Variants in ANKRD36 observed in about 807,000 individuals in gnomAD.
ANKRD36 encodes ankyrin repeat domain 36, also known as ankyrin repeat domain-containing protein 36A.
In ANKRD36, 179 loss-of-function variants were observed where a neutral mutation model predicts 278.1. That is an observed-to-expected ratio of 0.64 (90% CI 0.57 to 0.73). ANKRD36 has a LOEUF of 0.73. ANKRD36 is among the 30% of genes least tolerant of loss of function. ANKRD36 has a pLI of 0.00. For synonymous variants in ANKRD36, 320 were observed against 641.1 expected (o/e 0.50, Z 7.57); for missense variants, 1,159 against 1,956.7 (o/e 0.59, Z 7.69).
At chr2:97,187,555 T>A (rs1164157388) in intron 32 of ANKRD36, among the ~76,000 whole-genome samples, 154 bp downstream of exon 32, 1 of 151,734 alleles carries the variant, frequency 6.6e-6, no homozygotes, top group South Asian at 2.1e-4. Flanking sequence ...TAATAAATTC[T>A]TGGGTGACGC....
At chr2:97,199,303 C>A (rs1010550874) in intron 44 of ANKRD36, among the ~76,000 whole-genome samples, 1 of 151,878 alleles carries the variant, frequency 6.6e-6, no homozygotes, top group Non-Finnish European at 1.5e-5. Context: ...CACACTGACC[C>A]CTTACTCTTC....
chr2:97,220,958 T>G (rs2067469506), intron 66 of ANKRD36, among the ~76,000 whole-genome samples: 1 of 96,214 alleles, frequency 1.0e-5, no homozygotes, highest in Admixed American at 1.4e-4. Flanking sequence ...CCCCAGAGTG[T>G]GATATTCCCC....
chr2:97,169,160 T>G (rs2051605112), intron 22 of ANKRD36, among the ~76,000 whole-genome samples: 1 of 152,262 alleles, frequency 6.6e-6, no homozygotes, highest in Non-Finnish European at 1.5e-5. Context: ...CTAACTGGCA[T>G]AAGATGGTAT....
intron 44 of ANKRD36, among the ~76,000 whole-genome samples, chr2:97,199,282 T>C (rs547108365): frequency 6.6e-6 from 1 of 152,030 alleles, no homozygotes; most frequent in East Asian, 1.9e-4. Context: ...AATGGTATAA[T>C]TGGAATACAC....
intron 11 of ANKRD36, among the ~76,000 whole-genome samples, chr2:97,147,777 A>T (rs972280731): frequency 6.6e-6 from 1 of 151,902 alleles, no homozygotes; most frequent in African/African-American, 2.4e-5. Context: ...AAGAGAAACA[A>T]ACTCTTAGTT....
At chr2:97,150,338 G>C (rs1477934288) in intron 12 of ANKRD36, among the ~76,000 whole-genome samples, 1 of 151,944 alleles carries the variant, frequency 6.6e-6, no homozygotes, top group African/African-American at 2.4e-5. Context: ...TTTGTGCTTA[G>C]TTATTGAAAA....
chr2:97,135,979 G>C lies in ANKRD36; in HGVS notation c.800-6661G>C, dbSNP rs551573753. Among the ~76,000 whole-genome samples the C allele has an allele frequency of 6.6e-5, 10 of 151,972 alleles. No homozygotes were observed. In the South Asian group the frequency reaches 1.9e-3, roughly 29 times the overall value. ...CTCCTAAAATCCTCAGAATTTCCAAGATGATATCATCTGTATGCTAATGAT... is the reference window on the plus strand; with the variant it reads ...CTCCTAAAATCCTCAGAATTTCCAACATGATATCATCTGTATGCTAATGAT... On this transcript the variant is annotated intron_variant, in intron 6 of 75. Coordinates refer to ENST00000420699, the MANE Select transcript of ANKRD36 (RefSeq NM_001354587.1).
intron 8 of ANKRD36, among the ~76,000 whole-genome samples, chr2:97,143,975 CAT>C (rs2043576332): frequency 6.6e-6 from 1 of 152,096 alleles, no homozygotes; most frequent in African/African-American, 2.4e-5. Context: ...ATTCACCAAA[CAT>C]ATATTTAAGC....
chr2:97,159,114 T>C (rs2048224192), intron 17 of ANKRD36, among the ~76,000 whole-genome samples: 1 of 151,952 alleles, frequency 6.6e-6, no homozygotes, highest in Non-Finnish European at 1.5e-5. Context: ...TAAATGACAG[T>C]AGAATGTCTC....
chr2:97,216,341 A>G (rs914470718), intron 62 of ANKRD36, among the ~76,000 whole-genome samples: 1 of 151,894 alleles, frequency 6.6e-6, no homozygotes, highest in Non-Finnish European at 1.5e-5. Flanking sequence ...TATAGAAACA[A>G]AAAGTATGTG....
chr2:97,117,047 CTTTTT>C (rs58474116), intron 1 of ANKRD36, among the ~76,000 whole-genome samples: 1 of 143,546 alleles, frequency 7.0e-6, no homozygotes, highest in Non-Finnish European at 1.5e-5. Flanking sequence ...TCTTTTATTC[CTTTTT>C]TTTTTTTTTT....
intron 5 of ANKRD36, among the ~76,000 whole-genome samples, chr2:97,126,626 A>G (rs2038723600): frequency 6.6e-6 from 1 of 152,018 alleles, no homozygotes; most frequent in Admixed American, 6.6e-5. Context: ...ATAAATTTCA[A>G]GAACAAACTC....
At chr2:97,149,493 C>T in intron 12 of ANKRD36, 132 bp downstream of exon 12, 1 of 716,684 alleles carries the variant, frequency 1.4e-6, no homozygotes, top group South Asian at 3.1e-5. Context: ...TAGAGATAAC[C>T]ATTTTAAAGA....
At chr2:97,159,338 T>G (rs2048273788) in intron 17 of ANKRD36, among the ~76,000 whole-genome samples, 2 of 152,204 alleles carry the variant, frequency 1.3e-5, no homozygotes, top group South Asian at 2.1e-4. Context: ...AACATACATA[T>G]TTAAGGTAAT....
chr2:97,149,719 CTAA>C (rs756030722), intron 12 of ANKRD36, among the ~76,000 whole-genome samples: 55 of 151,896 alleles, frequency 3.6e-4, no homozygotes, highest in South Asian at 6.2e-4. Context: ...ATGAGTATGA[CTAA>C]TAATACCTCT....
chr2:97,228,453 G>GC, intron 67 of ANKRD36, among the ~76,000 whole-genome samples: 1 of 152,100 alleles, frequency 6.6e-6, no homozygotes, highest in Non-Finnish European at 1.5e-5. Context: ...TCTGATGGTA[G>GC]TTTGTATTTC....
At chr2:97,205,007 T>C (rs1246945781) in intron 50 of ANKRD36, among the ~76,000 whole-genome samples, 1 of 151,186 alleles carries the variant, frequency 6.6e-6, no homozygotes, top group Non-Finnish European at 1.5e-5. Flanking sequence ...CATTGGCTTC[T>C]TTGTTCAAGG....
intron 5 of ANKRD36, among the ~76,000 whole-genome samples, chr2:97,125,477 CT>C (rs895176904): frequency 1.4e-5 from 2 of 148,102 alleles, no homozygotes; most frequent in Non-Finnish European, 3.0e-5. Flanking sequence ...TTTTGAGTCC[CT>C]TTTTTTTCTC....
intron 35 of ANKRD36, 22 bp downstream of exon 35, chr2:97,191,028 T>C (rs1273437576): frequency 6.2e-7 from 1 of 1,604,756 alleles, no homozygotes. Context: ...CTCATTTATA[T>C]TGTGAACTAG....
Sources: allele counts gnomAD v4.1 joint callset (sites outside exome capture counted in the v4.1 genomes callset), GRCh38; gene constraint gnomAD v4.1.1; transcripts MANE v1.5; gene names NCBI Gene and HGNC (gene_info 2026-07-23, HGNC 2026-07-21).